CLYBL: variants seen among roughly 807,000 people sequenced by gnomAD.
CLYBL encodes the protein citramalyl-CoA lyase, mitochondrial.
CLYBL carries 31 observed loss-of-function variants against 38.9 expected under a neutral mutation model. That is an observed-to-expected ratio of 0.80 (90% CI 0.60 to 1.08). The LOEUF (loss-of-function observed/expected upper bound fraction) is 1.08. Ranked by LOEUF, CLYBL falls within the 50% of genes least tolerant of loss-of-function variation. The pLI is 0.00. For synonymous variants in CLYBL, 171 were observed against 158.6 expected (o/e 1.08, Z -0.59); for missense variants, 434 against 411.6 (o/e 1.05, Z -0.47).
chr13:99,765,749 T>C (rs543570662), intron 1 of CLYBL, among the ~76,000 whole-genome samples: 20 of 152,200 alleles, frequency 1.3e-4, no homozygotes, highest in African/African-American at 4.8e-4. Flanking sequence ...TTTGCCATGT[T>C]GCGCAGACTG....
rs4001024 is a variant in CLYBL at position 99,716,169 on chromosome 13, ATTTTTTTTTTTTTTTTT to A, written c.63-56633_63-56617del. On this transcript the variant is annotated intron_variant, in intron 1 of 8. Transcript: ENST00000339105. ...AAATTGTCCTTGCTTTATTGGTGTAATTTTTTTTTTTTTTTTTTTTTTTTTTTTTTTTTTTTTTAGAG... is the reference window on the plus strand; with the variant it reads ...AAATTGTCCTTGCTTTATTGGTGTAATTTTTTTTTTTTTTTTTTTTTAGAG... 9.4e-3 allele frequency among the ~76,000 whole-genome samples: 313 copies of A among 33,470 alleles called. 2 individuals are homozygous for A. The highest frequency in any genetic ancestry group is 0.054 in the South Asian group (53 of 988). The allele number at this position is 33,470 out of a possible 152,430, so 22.0% of individuals were successfully genotyped here.
intron 1 of CLYBL, among the ~76,000 whole-genome samples, chr13:99,740,836 A>G (rs1594151915): frequency 6.6e-6 from 1 of 152,154 alleles, no homozygotes; most frequent in Non-Finnish European, 1.5e-5. Flanking sequence ...CAATGGCAGG[A>G]ATTGAAGGAC....
chr13:99,897,344 C>T (rs897248534), downstream of CLYBL, among the ~76,000 whole-genome samples: 6 of 152,170 alleles, frequency 3.9e-5, no homozygotes, highest in Admixed American at 1.3e-4. Flanking sequence ...TTTGCTCATA[C>T]GCAGGGAACT....
downstream of CLYBL, among the ~76,000 whole-genome samples, chr13:99,897,840 G>A (rs553730425): frequency 8.5e-5 from 13 of 152,140 alleles, no homozygotes; most frequent in East Asian, 1.9e-4. Flanking sequence ...CCAGCTACCC[G>A]AAAGGCTGAG....
rs886310766 is a variant in CLYBL, at chr13:99,779,718, G to T, written c.249+6708G>T. ...GTAAAGTTTCAGGGACTGAGACTGG[G>T]CCACAAACCATAGCTTGAGTAGCAA... On this transcript the variant is annotated intron_variant, in intron 2 of 8. Coordinates refer to ENST00000339105, the MANE Select transcript of CLYBL (RefSeq NM_206808.5). Among the ~76,000 whole-genome samples, 11 of 152,266 alleles carry T rather than the reference G, an allele frequency of 7.2e-5. No individual in the cohort carries two copies. The East Asian group carries it at 2.1e-3, about 29-fold the overall frequency.
intron 1 of CLYBL, among the ~76,000 whole-genome samples, chr13:99,667,340 G>C (rs1039488620): frequency 2.0e-5 from 3 of 151,758 alleles, no homozygotes; most frequent in African/African-American, 7.3e-5. Context: ...TCTGCTGTAA[G>C]CTTGCAACAG....
chr13:99,770,998 G>C (rs555989620), intron 1 of CLYBL, among the ~76,000 whole-genome samples: 1 of 148,444 alleles, frequency 6.7e-6, no homozygotes, highest in Non-Finnish European at 1.5e-5. Context: ...AGGATTACAG[G>C]CGTAAGCCAC....
In CLYBL at chr13:99,875,578, C is replaced by G. The variant is rs2052017484; in HGVS notation, c.927+4516C>G. On this transcript the variant is annotated intron_variant, in intron 7 of 8. Transcript: ENST00000339105. Reference sequence around the variant, plus strand: ...GAGAACTCAGGAGAAGTTTCTCTAGCCAAAAATATTGTTTCCGCTTATTCA... The same window carrying G: ...GAGAACTCAGGAGAAGTTTCTCTAGGCAAAAATATTGTTTCCGCTTATTCA... 2.0e-5 allele frequency among the ~76,000 whole-genome samples: 3 copies of G among 152,158 alleles called. No individual in the cohort carries two copies. The South Asian group carries it at 6.2e-4, about 32-fold the overall frequency.
chr13:99,693,484 C>T (rs2047936758), intron 1 of CLYBL, among the ~76,000 whole-genome samples: 1 of 152,094 alleles, frequency 6.6e-6, no homozygotes, highest in East Asian at 1.9e-4. Flanking sequence ...GGGTGCACAC[C>T]CTCCTTATCT....
At chr13:99,610,899 ATTGT>A (rs984216473) in intron 1 of CLYBL, among the ~76,000 whole-genome samples, 1 of 152,148 alleles carries the variant, frequency 6.6e-6, no homozygotes, top group Non-Finnish European at 1.5e-5. Context: ...AGTACTTCTG[ATTGT>A]TTGGACAAAT....
At chr13:99,716,792 T>C (rs539445340) in intron 1 of CLYBL, among the ~76,000 whole-genome samples, 2,249 of 142,862 alleles carry the variant, frequency 0.016, 52 homozygotes, top group African/African-American at 0.055. Context: ...CTTTTCTTTT[T>C]TTTTTTTTTT....
chr13:99,678,308 G>A (rs2047684231), intron 1 of CLYBL, among the ~76,000 whole-genome samples: 1 of 152,198 alleles, frequency 6.6e-6, no homozygotes, highest in South Asian at 2.1e-4. Flanking sequence ...GTATCAGACA[G>A]TCTCTGATTT....
intron 2 of CLYBL, among the ~76,000 whole-genome samples, chr13:99,774,653 C>T (rs2049471942): frequency 6.6e-6 from 1 of 152,110 alleles, no homozygotes; most frequent in Non-Finnish European, 1.5e-5. Flanking sequence ...AAATATTTGC[C>T]TTAATTTTAA....
chr13:99,808,592 A>T (rs2050278260), intron 2 of CLYBL, among the ~76,000 whole-genome samples: 1 of 152,240 alleles, frequency 6.6e-6, no homozygotes, highest in Non-Finnish European at 1.5e-5. Flanking sequence ...TATTAAATTC[A>T]TGAATATAGT....
intron 1 of CLYBL, among the ~76,000 whole-genome samples, chr13:99,659,587 A>C (rs1325575581): frequency 6.6e-6 from 1 of 152,154 alleles, no homozygotes; most frequent in East Asian, 1.9e-4. Context: ...TGATGTTGGC[A>C]AAAGTCATTT....
chr13:99,828,443 A>G (rs2050740794), intron 2 of CLYBL, among the ~76,000 whole-genome samples: 1 of 152,232 alleles, frequency 6.6e-6, no homozygotes, highest in Non-Finnish European at 1.5e-5. Context: ...CCTCTCATCA[A>G]ATTGCATGCA....
At chr13:99,658,330 C>T (rs549817328) in intron 1 of CLYBL, among the ~76,000 whole-genome samples, 1 of 152,230 alleles carries the variant, frequency 6.6e-6, no homozygotes, top group Non-Finnish European at 1.5e-5. Context: ...CCACCTTCAG[C>T]GCTCCTCCCA....
intron 2 of CLYBL, among the ~76,000 whole-genome samples, chr13:99,847,286 C>G (rs755199049): frequency 6.6e-6 from 1 of 152,180 alleles, no homozygotes; most frequent in African/African-American, 2.4e-5. Flanking sequence ...GAAAAAGGCA[C>G]GTTTTCATCC....
At position 99,875,454 on chromosome 13, in the gene CLYBL, C is replaced by T. The variant is rs75112878; in HGVS notation, c.927+4392C>T. On this transcript the variant is annotated intron_variant, in intron 7 of 8. Coordinates refer to ENST00000339105, the MANE Select transcript of CLYBL (RefSeq NM_206808.5). ...GAAAGCCCATCATTTTCATAGGTGTCTGATTGCTGCTCGCACACCTTTCAT... is the reference window on the plus strand; with the variant it reads ...GAAAGCCCATCATTTTCATAGGTGTTTGATTGCTGCTCGCACACCTTTCAT... Among the ~76,000 whole-genome samples the T allele has an allele frequency of 1.4e-3, 217 of 152,342 alleles. 1 individual carries two copies. Among genetic ancestry groups the T allele is most frequent in the Middle Eastern group, 3.4e-3 (1 of 294 alleles).
Sources: allele counts gnomAD v4.1 joint callset (sites outside exome capture counted in the v4.1 genomes callset), GRCh38; gene constraint gnomAD v4.1.1; transcripts MANE v1.5; gene names NCBI Gene and HGNC (gene_info 2026-07-23, HGNC 2026-07-21).